Variants in SMC6 observed in about 807,000 individuals in gnomAD.
SMC6 encodes the protein structural maintenance of chromosomes 6.
SMC6 carries 79 observed loss-of-function variants against 142.2 expected under a neutral mutation model. The observed-to-expected ratio is 0.56, with a 90% CI of 0.46 to 0.67. SMC6 has a LOEUF of 0.67. Among genes scored for constraint, SMC6 ranks in the 30% least tolerant of loss-of-function variants. The pLI, the probability that SMC6 is intolerant of heterozygous loss-of-function variation, is 0.00. For missense variants in SMC6, 1,072 were observed against 1,284.0 expected, an observed-to-expected ratio of 0.83 and a Z score of 2.52; for synonymous variants, 411 against 412.4, an observed-to-expected ratio of 1.00 and a Z score of 0.04.
At chr2:17,671,691 A>G (rs556251880) in intron 25 of SMC6, among the ~76,000 whole-genome samples, 1 of 151,514 alleles carries the variant, frequency 6.6e-6, no homozygotes, top group South Asian at 2.1e-4. Context: ...AATTTAAATA[A>G]TTTTAAATTT....
At position 17,690,720 on chromosome 2, in the gene SMC6, T is replaced by C. The variant is rs149235099; in HGVS notation, c.2678+4432A>G. Among the ~76,000 whole-genome samples, 648 of 152,118 alleles carry C rather than the reference T, an allele frequency of 4.3e-3. 7 individuals carry two copies. Among genetic ancestry groups the C allele is most frequent in the African/African-American group, 0.015 (605 of 41,506 alleles). On this transcript the variant is annotated intron_variant, in intron 23 of 27. Transcript: ENST00000448223. ...GACAAAAAAGTACATGAAAAGGTCA[T>C]AGAAAAATAAATATAAATAAATGAA...
chr2:17,668,658 C>A (rs546779404), intron 26 of SMC6, among the ~76,000 whole-genome samples: 5 of 151,974 alleles, frequency 3.3e-5, no homozygotes, highest in Non-Finnish European at 7.4e-5. Flanking sequence ...CCTCATCCTG[C>A]CTGATAGGGT....
chr2:17,731,014 T>C (rs941803735), intron 7 of SMC6, 64 bp downstream of exon 7: 17 of 1,300,796 alleles, frequency 1.3e-5, no homozygotes, highest in Non-Finnish European at 1.8e-5. Context: ...TCTACACAAG[T>C]GAAATCGCAC....
intron 23 of SMC6, among the ~76,000 whole-genome samples, chr2:17,690,723 A>G (rs905940541): frequency 4.6e-5 from 7 of 152,290 alleles, no homozygotes; most frequent in African/African-American, 1.7e-4. Context: ...AAGGTCATAG[A>G]AAAATAAATA....
chr2:17,673,532 C>T (rs1222207091), intron 25 of SMC6, among the ~76,000 whole-genome samples: 1 of 150,728 alleles, frequency 6.6e-6, no homozygotes, highest in African/African-American at 2.4e-5. Context: ...GGGGGTCAAA[C>T]TTTGCTTACT....
chr2:17,697,868 AC>A (rs949121877), intron 21 of SMC6, among the ~76,000 whole-genome samples: 2 of 152,114 alleles, frequency 1.3e-5, no homozygotes, highest in Non-Finnish European at 2.9e-5. Context: ...ACATATCTAT[AC>A]AAAAACTTGT....
intron 5 of SMC6, among the ~76,000 whole-genome samples, chr2:17,733,538 A>C (rs181921107): frequency 6.6e-6 from 1 of 152,234 alleles, no homozygotes; most frequent in Non-Finnish European, 1.5e-5. Flanking sequence ...AATTGGGTGA[A>C]GGATATACAG....
intron 2 of SMC6, among the ~76,000 whole-genome samples, chr2:17,747,960 A>T (rs1229524554): frequency 6.6e-6 from 1 of 152,244 alleles, no homozygotes; most frequent in Non-Finnish European, 1.5e-5. Flanking sequence ...TATTATCATT[A>T]AAACAGTTTT....
chr2:17,738,101 CCT>C, intron 5 of SMC6, 118 bp downstream of exon 5: 1 of 674,608 alleles, frequency 1.5e-6, no homozygotes, highest in Non-Finnish European at 2.5e-6. Flanking sequence ...AAATAGGACA[CCT>C]CTGCTCCTGT....
intron 3 of SMC6, among the ~76,000 whole-genome samples, chr2:17,745,323 C>T (rs1180038459): frequency 6.6e-6 from 1 of 152,062 alleles, no homozygotes; most frequent in Non-Finnish European, 1.5e-5. Context: ...CCAACTGGGC[C>T]TGTAGATTTC....
intron 23 of SMC6, among the ~76,000 whole-genome samples, chr2:17,691,472 A>ACT (rs1553311239): frequency 6.6e-6 from 1 of 151,016 alleles, no homozygotes; most frequent in Non-Finnish European, 1.5e-5. Flanking sequence ...AAAACACATG[A>ACT]CTCTCAATAG....
intron 5 of SMC6, among the ~76,000 whole-genome samples, chr2:17,734,313 T>G (rs1670044191): frequency 6.6e-6 from 1 of 152,214 alleles, no homozygotes; most frequent in Non-Finnish European, 1.5e-5. Context: ...TTCCTAGAGC[T>G]ACCTTGAATA....
At chr2:17,737,163 G>C (rs893862432) in intron 5 of SMC6, among the ~76,000 whole-genome samples, 1 of 151,648 alleles carries the variant, frequency 6.6e-6, no homozygotes, top group Admixed American at 6.6e-5. Context: ...CCTTTTTTTT[G>C]AGTCAATTTG....
Position 17,683,619 on chromosome 2 carries a change from C to T in SMC6, c.2804+19G>A, listed in dbSNP as rs1667325527. On this transcript the variant is annotated intron_variant, in intron 24 of 27. Coordinates refer to ENST00000448223, the MANE Select transcript of SMC6 (RefSeq NM_001142286.2). ...CACAAAAATGTATAATATATAGTAA[C>T]ATTTTTCAATGTACTTACCTTCTAA... The T allele has an allele frequency of 6.3e-6, 10 of 1,587,016 alleles. No individual in the cohort carries two copies. The highest frequency in any genetic ancestry group is 6.9e-6 in the Non-Finnish European group (8 of 1,165,582).
At chr2:17,717,821 G>C (rs1669172136) in intron 12 of SMC6, among the ~76,000 whole-genome samples, 1 of 152,054 alleles carries the variant, frequency 6.6e-6, no homozygotes, top group Admixed American at 6.5e-5. Context: ...GTCTCTACAA[G>C]AAATACAAAA....
At chr2:17,667,837 G>A (rs899505835) in intron 26 of SMC6, among the ~76,000 whole-genome samples, 8 of 152,192 alleles carry the variant, frequency 5.3e-5, no homozygotes, top group African/African-American at 1.9e-4. Context: ...GTAACAGAAC[G>A]AGACTGTGTC....
At chr2:17,739,865 CAG>C (rs1558378094) in intron 4 of SMC6, among the ~76,000 whole-genome samples, 52 of 134,026 alleles carry the variant, frequency 3.9e-4, no homozygotes, top group Non-Finnish European at 7.1e-4. Context: ...CACACACACA[CAG>C]AGAATATGGT....
At chr2:17,727,842 CTCTCT>C (rs1669707667) in intron 7 of SMC6, among the ~76,000 whole-genome samples, 1 of 152,062 alleles carries the variant, frequency 6.6e-6, no homozygotes, top group African/African-American at 2.4e-5. Flanking sequence ...GATGTTGGGC[CTCTCT>C]TCAAGATAAT....
intron 26 of SMC6, among the ~76,000 whole-genome samples, chr2:17,668,510 C>A (rs879376951): frequency 1.1e-4 from 17 of 151,820 alleles, no homozygotes; most frequent in Non-Finnish European, 2.2e-4. Context: ...AAATGGGCAA[C>A]TGCAACAGAA....
Sources: gnomAD v4.1 joint callset for allele counts (sites outside exome capture counted in the v4.1 genomes callset) on GRCh38, gnomAD v4.1.1 for gene constraint, MANE v1.5 for transcripts, NCBI Gene and HGNC (gene_info 2026-07-23, HGNC 2026-07-21) for gene names.